The following MTDH variants were observed in gnomAD, a reference collection of about 807,000 sequenced individuals.
MTDH encodes the protein protein LYRIC.
A neutral mutation model predicts 72.7 loss-of-function variants in MTDH; 34 were observed. The observed-to-expected ratio is 0.47, with a 90% confidence interval of 0.36 to 0.62. MTDH has a LOEUF of 0.62. MTDH is among the 20% of genes least tolerant of loss of function. The probability of loss-of-function intolerance (pLI) is 0.00; values close to 1 mark genes in which losing one functional copy is unlikely to be tolerated. For synonymous variants in MTDH, 266 were observed against 268.9 expected, an observed-to-expected ratio of 0.99 and a Z score of 0.10; for missense variants, 677 against 699.4, an observed-to-expected ratio of 0.97 and a Z score of 0.36.
intron 10 of MTDH, 122 bp from the exon 11 acceptor site, chr8:97,722,757 G>T: frequency 1.1e-6 from 1 of 930,342 alleles, no homozygotes; most frequent in Non-Finnish European, 1.6e-6. Flanking sequence ...GAGTTACATT[G>T]TTTATCTGGA....
intron 6 of MTDH, among the ~76,000 whole-genome samples, chr8:97,695,549 A>T (rs1160973105): frequency 6.6e-6 from 1 of 152,252 alleles, no homozygotes; most frequent in East Asian, 1.9e-4. Context: ...TTTATGGAAA[A>T]TGAAAGGGAA....
chr8:97,645,393 C>G (rs1196307197), intron 1 of MTDH, among the ~76,000 whole-genome samples: 2 of 152,142 alleles, frequency 1.3e-5, no homozygotes, highest in Admixed American at 6.5e-5. Flanking sequence ...GTGTCCAGGT[C>G]TAGACGCGCT....
At chr8:97,659,683 G>T (rs1812107347) in intron 1 of MTDH, among the ~76,000 whole-genome samples, 2 of 152,170 alleles carry the variant, frequency 1.3e-5, no homozygotes, top group African/African-American at 4.8e-5. Flanking sequence ...AGTGTGTTCT[G>T]TAAGAACTGA....
At chr8:97,714,637 G>A (rs964827842) in intron 9 of MTDH, among the ~76,000 whole-genome samples, 5 of 151,670 alleles carry the variant, frequency 3.3e-5, no homozygotes, top group African/African-American at 9.7e-5. Flanking sequence ...AATTTCAGAT[G>A]TATCAGATTA....
chr8:97,707,331 G>A (rs1586271105), intron 8 of MTDH, among the ~76,000 whole-genome samples: 1 of 151,334 alleles, frequency 6.6e-6, no homozygotes, highest in African/African-American at 2.4e-5. Context: ...TGTGTATTTA[G>A]TAGAGATGGG....
chr8:97,719,026 T>A, intron 9 of MTDH, 23 bp from the exon 10 acceptor site: 1 of 1,567,030 alleles, frequency 6.4e-7, no homozygotes. Context: ...TTATATAATC[T>A]AATAGGTTAT....
At position 97,688,577 on chromosome 8, in the gene MTDH, T is replaced by C. The variant is rs80319635; in HGVS notation, c.746-461T>C. Among the ~76,000 whole-genome samples the C allele has an allele frequency of 5.1e-3, 775 of 152,296 alleles. 7 individuals carry two copies. The highest frequency in any genetic ancestry group is 0.017 in the African/African-American group (726 of 41,558). ...GAGAAATAGTATTTTTGTGTTATAA[T>C]GTGTATTCTCACCTCTTGCCATATT... is the stretch of plus-strand genomic sequence containing the variant. On this transcript the variant is annotated intron_variant, in intron 4 of 11. Transcript: ENST00000336273.
In MTDH at chr8:97,691,168, G is replaced by A. The variant is rs146663706; in HGVS notation, c.1028G>A (p.Arg343His). The change falls in exon 6 of 12, where the codon CGT becomes CAT. Residue 343 changes from arginine (R) to histidine (H), a missense_variant. Physicochemically the swap from Arg to His is conservative, Grantham distance 29 (BLOSUM62 0). Transcript: ENST00000336273. ...GACTGGGGAAGGAGTTGGAGTGACCGTTCAATATTTTCTGGCATTGGTAAG... is the reference window on the plus strand; with the variant it reads ...GACTGGGGAAGGAGTTGGAGTGACCATTCAATATTTTCTGGCATTGGTAAG... ...GKDWGRSWSD[R>H]SIFSGIGSTA... 14 of 1,602,796 alleles carry A rather than the reference G, an allele frequency of 8.7e-6. No individual in the cohort carries two copies. In the East Asian group the frequency reaches 8.9e-5, roughly 10 times the overall value.
chr8:97,705,325 G>A (rs1411524342), intron 7 of MTDH, among the ~76,000 whole-genome samples: 1 of 151,672 alleles, frequency 6.6e-6, no homozygotes, highest in Non-Finnish European at 1.5e-5. Context: ...AGCATTGCTG[G>A]GCGTGGTGCC....
intron 2 of MTDH, among the ~76,000 whole-genome samples, chr8:97,678,531 T>C (rs1245198341): frequency 2.0e-5 from 3 of 151,382 alleles, no homozygotes; most frequent in Admixed American, 6.6e-5. Context: ...TAAAAGCGAG[T>C]CATACATTTT....
chr8:97,655,172 C>T (rs1315070062), intron 1 of MTDH, among the ~76,000 whole-genome samples: 1 of 152,220 alleles, frequency 6.6e-6, no homozygotes, highest in East Asian at 1.9e-4. Flanking sequence ...ATCCTGGTCT[C>T]CCAGCCTGCT....
chr8:97,697,687 AT>A (rs1021090615), intron 6 of MTDH, among the ~76,000 whole-genome samples: 3 of 149,738 alleles, frequency 2.0e-5, no homozygotes, highest in Admixed American at 1.3e-4. Context: ...ACCTGGCCTG[AT>A]TTTTTTTTTA....
Position 97,687,436 on chromosome 8 carries a change from G to C in MTDH, c.576G>C (p.Trp192Cys). Residue 192 changes from tryptophan to cysteine, a missense_variant, in exon 4 of 12, where the codon TGG (tryptophan) becomes TGC (cysteine). Trp to Cys is a radical substitution (Grantham distance 215, BLOSUM62 -2). Coordinates refer to ENST00000336273, the MANE Select transcript of MTDH (RefSeq NM_178812.4). ...HDGKEVDEGA[W>C]ETKISHREKR... ...TTTCTGGGGCTATGTCAGGAGCCTG[G>C]GAAACTAAAATTAGTCACAGAGAGA... 1 of 1,590,306 alleles carries C rather than the reference G, an allele frequency of 6.3e-7. No homozygotes were observed. The highest frequency in any genetic ancestry group is 1.1e-5 in the South Asian group (1 of 87,164).
chr8:97,657,715 T>C (rs982032492), intron 1 of MTDH, among the ~76,000 whole-genome samples: 3 of 152,058 alleles, frequency 2.0e-5, no homozygotes, highest in Admixed American at 6.6e-5. Context: ...TCTATGTTAC[T>C]TGGGCTGGTC....
chr8:97,677,653 TAAC>T (rs748915902), intron 2 of MTDH, among the ~76,000 whole-genome samples: 38 of 152,152 alleles, frequency 2.5e-4, no homozygotes, highest in Admixed American at 4.6e-4. Flanking sequence ...GGTTTTGAAA[TAAC>T]AATATGTTTA....
intron 2 of MTDH, among the ~76,000 whole-genome samples, chr8:97,679,433 A>C (rs1370725830): frequency 6.6e-6 from 1 of 152,186 alleles, no homozygotes; most frequent in Non-Finnish European, 1.5e-5. Context: ...TTGATGTTAA[A>C]GATTAAAATT....
chr8:97,682,516 G>GT (rs1416786607), intron 2 of MTDH, among the ~76,000 whole-genome samples: 2 of 150,742 alleles, frequency 1.3e-5, no homozygotes, highest in East Asian at 3.9e-4. Context: ...GCCAAGGCTG[G>GT]TTTCAAATTC....
At chr8:97,671,835 C>A (rs968973185) in intron 2 of MTDH, among the ~76,000 whole-genome samples, 1 of 152,028 alleles carries the variant, frequency 6.6e-6, no homozygotes, top group African/African-American at 2.4e-5. Context: ...TAGAGCAAGA[C>A]CCCATCTCAA....
At chr8:97,712,646 G>A (rs562778153) in intron 8 of MTDH, among the ~76,000 whole-genome samples, 17 of 152,276 alleles carry the variant, frequency 1.1e-4, no homozygotes, top group African/African-American at 3.8e-4. Context: ...GCATATTTTA[G>A]TATTCTAAGA....
Sources: allele counts gnomAD v4.1 joint callset (sites outside exome capture counted in the v4.1 genomes callset), GRCh38; gene constraint gnomAD v4.1.1; transcripts MANE v1.5; gene names NCBI Gene and HGNC (gene_info 2026-07-23, HGNC 2026-07-21).